DNAJC3: variants seen among roughly 807,000 people sequenced by gnomAD.
DNAJC3 encodes dnaJ homolog subfamily C member 3.
Under a neutral mutation model 68.6 loss-of-function variants are expected in DNAJC3, and 38 were observed. The observed-to-expected ratio is 0.55, with a 90% CI of 0.43 to 0.73. The LOEUF (loss-of-function observed/expected upper bound fraction) is 0.73, where lower values mean the gene tolerates loss of function less well. Ranked by LOEUF, DNAJC3 falls within the 30% of genes least tolerant of loss-of-function variation. The probability of loss-of-function intolerance (pLI) is 0.00; values close to 1 mark genes in which losing one functional copy is unlikely to be tolerated. For missense variants in DNAJC3, 526 were observed against 591.9 expected (o/e 0.89, Z 1.16); for synonymous variants, 203 against 204.0 (o/e 1.00, Z 0.04).
At chr13:95,772,419 G>A (rs971087640) in intron 9 of DNAJC3, among the ~76,000 whole-genome samples, 2 of 152,012 alleles carry the variant, frequency 1.3e-5, no homozygotes, top group South Asian at 4.1e-4. Context: ...CATAGTGTAC[G>A]GTGCTTGCTC....
chr13:95,763,666 A>G lies in DNAJC3; in HGVS notation c.872A>G (p.Tyr291Cys), dbSNP rs778709356. 1.4e-5 allele frequency: 22 copies of G among 1,613,906 alleles called. No homozygotes were observed. Among genetic ancestry groups the G allele is most frequent in the Non-Finnish European group, 1.8e-5 (21 of 1,179,836 alleles). ...AGATACACAGATGCTACCAGCAAAT[A>G]TGAATCTGTCATGAAAACAGAGCCA... ...DGRYTDATSK[Y>C]ESVMKTEPSI... Residue 291 changes from tyrosine (Y) to cysteine (C), a missense_variant, in exon 8 of 12, where the codon TAT (tyrosine) becomes TGT (cysteine). Transcript: ENST00000602402.
chr13:95,778,736 T>C (rs903320021), intron 9 of DNAJC3, among the ~76,000 whole-genome samples: 1 of 152,226 alleles, frequency 6.6e-6, no homozygotes, highest in Non-Finnish European at 1.5e-5. Flanking sequence ...GCAGTCATAG[T>C]TGAGAATTGT....
intron 9 of DNAJC3, among the ~76,000 whole-genome samples, chr13:95,779,184 G>T (rs1357454739): frequency 7.3e-6 from 1 of 136,600 alleles, no homozygotes; most frequent in Non-Finnish European, 1.5e-5. Context: ...GAGTGCAGTG[G>T]CATGATTTCA....
At chr13:95,757,837 A>G (rs1882709807) in intron 5 of DNAJC3, 41 bp downstream of exon 5, 1 of 1,481,356 alleles carries the variant, frequency 6.8e-7, no homozygotes, top group Non-Finnish European at 9.1e-7. Context: ...CCTGACACTT[A>G]TTGTAAGGCA....
chr13:95,728,243 G>T (rs1052865066), intron 4 of DNAJC3, among the ~76,000 whole-genome samples: 1 of 152,164 alleles, frequency 6.6e-6, no homozygotes, highest in East Asian at 1.9e-4. Flanking sequence ...TTACTGGGTT[G>T]TATGGTTATT....
At chr13:95,699,164 A>G (rs980971563) in intron 1 of DNAJC3, among the ~76,000 whole-genome samples, 1 of 152,252 alleles carries the variant, frequency 6.6e-6, no homozygotes, top group African/African-American at 2.4e-5. Flanking sequence ...AAAGCACACC[A>G]AAAGAATAAT....
At chr13:95,773,674 G>A (rs914189015) in intron 9 of DNAJC3, among the ~76,000 whole-genome samples, 2 of 138,672 alleles carry the variant, frequency 1.4e-5, no homozygotes, top group Non-Finnish European at 1.6e-5. Context: ...TTAATAATTT[G>A]TATTTTCTTT....
At chr13:95,712,606 G>A (rs1287119920) in intron 2 of DNAJC3, among the ~76,000 whole-genome samples, 3 of 151,962 alleles carry the variant, frequency 2.0e-5, no homozygotes, top group Non-Finnish European at 2.9e-5. Context: ...TGAACTTCCT[G>A]ACCTCAAGTC....
chr13:95,686,399 CCTGTTGATTA>C (rs1249904978), intron 1 of DNAJC3, among the ~76,000 whole-genome samples: 5 of 152,110 alleles, frequency 3.3e-5, no homozygotes, highest in Non-Finnish European at 7.4e-5. Context: ...GTCTCTTTGC[CCTGTTGATTA>C]TCTTTTGATG....
At chr13:95,751,341 GT>G (rs2078923764) in intron 4 of DNAJC3, among the ~76,000 whole-genome samples, 1 of 152,236 alleles carries the variant, frequency 6.6e-6, no homozygotes, top group South Asian at 2.1e-4. Context: ...AGAGAAACTT[GT>G]GAGAAGTTGA....
chr13:95,704,123 T>C (rs1315937492), intron 1 of DNAJC3, among the ~76,000 whole-genome samples: 3 of 152,210 alleles, frequency 2.0e-5, no homozygotes, highest in African/African-American at 4.8e-5. Context: ...AAAATGGCCA[T>C]ATGGGAGTCT....
intron 1 of DNAJC3, among the ~76,000 whole-genome samples, chr13:95,691,647 C>T (rs1165123326): frequency 1.3e-5 from 2 of 152,136 alleles, no homozygotes; most frequent in South Asian, 2.1e-4. Context: ...ACTTCCCAGA[C>T]GGGGTGGTGG....
intron 1 of DNAJC3, among the ~76,000 whole-genome samples, chr13:95,683,338 C>T (rs1305317453): frequency 6.6e-6 from 1 of 152,098 alleles, no homozygotes; most frequent in African/African-American, 2.4e-5. Flanking sequence ...CAGCTGTAAT[C>T]CCCAGTGTTG....
chr13:95,700,853 A>G (rs1440447050), intron 1 of DNAJC3, among the ~76,000 whole-genome samples: 1 of 152,182 alleles, frequency 6.6e-6, no homozygotes, highest in Non-Finnish European at 1.5e-5. Flanking sequence ...TCATGTAGAT[A>G]CTGAATTGGT....
intron 1 of DNAJC3, among the ~76,000 whole-genome samples, chr13:95,691,527 T>C (rs1171526800): frequency 6.8e-6 from 1 of 147,654 alleles, no homozygotes; most frequent in East Asian, 2.0e-4. Flanking sequence ...CCTCACTTCC[T>C]AGATGGGATG....
At chr13:95,686,743 A>G (rs1012103556) in intron 1 of DNAJC3, among the ~76,000 whole-genome samples, 4 of 152,144 alleles carry the variant, frequency 2.6e-5, no homozygotes, top group Non-Finnish European at 5.9e-5. Flanking sequence ...CTGTGTGCGT[A>G]TTTTTGTACC....
Position 95,723,258 on chromosome 13 carries a change from C to G in DNAJC3, c.210C>G (p.Asn70Lys), listed in dbSNP as rs1881397816. The change falls in exon 3 of 12, where the codon AAC (asparagine) becomes AAG (lysine). Residue 70 changes from asparagine to lysine, a missense_variant. Coordinates refer to ENST00000602402, the MANE Select transcript of DNAJC3 (RefSeq NM_006260.5). ...FHAAVDGDPDNYIAYYRRATV... is the reference protein window; with the variant it reads ...FHAAVDGDPDKYIAYYRRATV... Reference sequence around the variant, plus strand: ...AATTTTCAGATGGTGACCCTGATAACTATATTGCTTATTATCGGAGGGCTA... The same window carrying G: ...AATTTTCAGATGGTGACCCTGATAAGTATATTGCTTATTATCGGAGGGCTA... 1 of 1,607,912 alleles carries G rather than the reference C, an allele frequency of 6.2e-7. No homozygotes were observed. Among genetic ancestry groups the G allele is most frequent in the Non-Finnish European group, 8.5e-7 (1 of 1,175,828 alleles).
intron 1 of DNAJC3, among the ~76,000 whole-genome samples, chr13:95,692,055 G>A (rs1880285416): frequency 1.4e-5 from 2 of 146,230 alleles, no homozygotes; most frequent in African/African-American, 2.8e-5. Context: ...GAAAGAGAGG[G>A]AGAGGGAGAC....
At chr13:95,707,837 A>T (rs1880807027) in intron 1 of DNAJC3, among the ~76,000 whole-genome samples, 1 of 152,172 alleles carries the variant, frequency 6.6e-6, no homozygotes, top group Non-Finnish European at 1.5e-5. Context: ...TTATTGGAGA[A>T]GGTATAGCTG....
Sources: allele counts gnomAD v4.1 joint callset (sites outside exome capture counted in the v4.1 genomes callset), GRCh38; gene constraint gnomAD v4.1.1; transcripts MANE v1.5; gene names NCBI Gene and HGNC (gene_info 2026-07-23, HGNC 2026-07-21).